The following INTS7 variants were observed in gnomAD, a reference collection of about 807,000 sequenced individuals.
INTS7 encodes the protein integrator complex subunit 7.
INTS7 carries 46 observed loss-of-function variants against 109.2 expected under a neutral mutation model. The observed-to-expected ratio is 0.42, with a 90% confidence interval of 0.33 to 0.54. INTS7 has a LOEUF of 0.54. INTS7 is among the 20% of genes least tolerant of loss of function. The pLI is 0.07. For synonymous variants in INTS7, 412 were observed against 402.9 expected, an observed-to-expected ratio of 1.02 and a Z score of -0.27; for missense variants, 929 against 1,132.4, an observed-to-expected ratio of 0.82 and a Z score of 2.58.
intron 5 of INTS7, among the ~76,000 whole-genome samples, chr1:212,009,332 T>G (rs1490526104): frequency 6.6e-6 from 1 of 152,204 alleles, no homozygotes; most frequent in Admixed American, 6.5e-5. Flanking sequence ...TATATTCTCA[T>G]ATAACTGTCA....
At chr1:211,954,689 C>G (rs964073667) in intron 16 of INTS7, among the ~76,000 whole-genome samples, 16 of 152,154 alleles carry the variant, frequency 1.1e-4, no homozygotes, top group African/African-American at 3.9e-4. Flanking sequence ...TCAGGTTTGT[C>G]AAAGATCAGA....
chr1:212,013,671 A>G (rs985124384), intron 4 of INTS7, among the ~76,000 whole-genome samples: 2 of 152,230 alleles, frequency 1.3e-5, no homozygotes, highest in African/African-American at 2.4e-5. Flanking sequence ...TGCCCTATAC[A>G]GGAATACCAT....
intron 17 of INTS7, among the ~76,000 whole-genome samples, chr1:211,950,510 G>A (rs571414305): frequency 6.6e-6 from 1 of 152,316 alleles, no homozygotes; most frequent in Admixed American, 6.5e-5. Flanking sequence ...GACCTCAGGT[G>A]ATCCGCCCAC....
rs1271319558 is a variant in INTS7 at position 212,007,274 on chromosome 1, T to C, written c.732A>G (p.Ser244=). Residue 244 remains serine (S), a synonymous_variant, in exon 6 of 20, where the codon TCA becomes TCG. Coordinates refer to ENST00000366994, the MANE Select transcript of INTS7 (RefSeq NM_015434.4). ...CCTGCTTAGGTGTATCAACCAAAGA[T>C]GACGCTGCAAGCAGAGTGAAAGTGT... ...SLHTFTLLAA[S]SLVDTPKQIQ... 1.2e-6 allele frequency: 2 copies of C among 1,613,790 alleles called. No individual in the cohort carries two copies. Among genetic ancestry groups the C allele is most frequent in the Non-Finnish European group, 1.7e-6 (2 of 1,179,866 alleles).
chr1:211,967,887 T>G lies in INTS7; in HGVS notation c.2105A>C (p.Asn702Thr), dbSNP rs1201578344. The change falls in exon 15 of 20, where the codon AAT becomes ACT. Residue 702 changes from asparagine to threonine, a missense_variant. By Grantham distance (65) the Asn-to-Thr change is moderately conservative (BLOSUM62 0). Coordinates refer to ENST00000366994, the MANE Select transcript of INTS7 (RefSeq NM_015434.4). ...SFDADSATLR[N>T]VELQQQSCLL... ...GGCAAGCTTGGGATACAGTTCAACATTCCTCAAAGTTGCTGAGTCAGCATC... is the reference window on the plus strand; with the variant it reads ...GGCAAGCTTGGGATACAGTTCAACAGTCCTCAAAGTTGCTGAGTCAGCATC... 2 of 1,587,318 alleles carry G rather than the reference T, an allele frequency of 1.3e-6. No homozygotes were observed. The highest frequency in any genetic ancestry group is 1.7e-6 in the Non-Finnish European group (2 of 1,159,364).
chr1:211,992,971 C>T (rs907717758), intron 7 of INTS7, among the ~76,000 whole-genome samples: 3 of 152,200 alleles, frequency 2.0e-5, no homozygotes, highest in Non-Finnish European at 1.5e-5. Context: ...GCTTAACTCA[C>T]TACTCAACTA....
rs1558017781 is a variant in INTS7 at position 211,941,986 on chromosome 1, A to G, written c.2727T>C (p.Ser909=). ...ATACTATACCATTGGCATCTTTCAC[A>G]GAAGATTCCACTGTAATGTTGTGTG... ...LGTHNITVES[S]VKDANGIVWK... is the part of the protein sequence containing the mutation. Residue 909 remains serine, a synonymous_variant, in exon 20 of 20, where the codon TCT becomes TCC. Transcript: ENST00000366994. The G allele has an allele frequency of 6.2e-7, 1 of 1,614,200 alleles. No homozygotes were observed. The highest frequency in any genetic ancestry group is 2.2e-5 in the East Asian group (1 of 44,876).
chr1:212,031,940 C>T (rs1667185075), intron 1 of INTS7, among the ~76,000 whole-genome samples: 1 of 152,146 alleles, frequency 6.6e-6, no homozygotes, highest in African/African-American at 2.4e-5. Flanking sequence ...GACACCAGTG[C>T]CACAAAATAT....
intron 7 of INTS7, 63 bp downstream of exon 7, chr1:212,006,576 C>T (rs1375118817): frequency 7.5e-6 from 6 of 800,950 alleles, no homozygotes; most frequent in Non-Finnish European, 1.1e-5. Context: ...AAATGCAAAA[C>T]ATTTTACTAT....
At chr1:212,019,468 G>T (rs1164855833) in intron 3 of INTS7, among the ~76,000 whole-genome samples, 2 of 151,996 alleles carry the variant, frequency 1.3e-5, no homozygotes, top group Non-Finnish European at 2.9e-5. Flanking sequence ...AAACTTCCTG[G>T]TTAAAAAGAA....
intron 5 of INTS7, among the ~76,000 whole-genome samples, chr1:212,010,797 T>G (rs1666134585): frequency 6.6e-6 from 1 of 152,216 alleles, no homozygotes; most frequent in Non-Finnish European, 1.5e-5. Context: ...CCATACAGCC[T>G]AAGTGTACAG....
At chr1:211,952,934 T>C (rs1663169077) in intron 16 of INTS7, among the ~76,000 whole-genome samples, 1 of 152,218 alleles carries the variant, frequency 6.6e-6, no homozygotes, top group South Asian at 2.1e-4. Flanking sequence ...GTTATGTAAT[T>C]CTTAATCTCT....
At chr1:211,957,928 T>C (rs1663443104) in intron 16 of INTS7, among the ~76,000 whole-genome samples, 1 of 152,136 alleles carries the variant, frequency 6.6e-6, no homozygotes, top group South Asian at 2.1e-4. Flanking sequence ...TATCAGAAGT[T>C]ACTGTCAAAT....
chr1:211,954,462 G>A (rs1215736487), intron 16 of INTS7, among the ~76,000 whole-genome samples: 5 of 152,160 alleles, frequency 3.3e-5, no homozygotes, highest in Non-Finnish European at 7.4e-5. Flanking sequence ...TAGACATGAA[G>A]TCCTTGCCCA....
intron 8 of INTS7, among the ~76,000 whole-genome samples, chr1:211,984,779 C>T (rs1664820620): frequency 1.3e-5 from 2 of 152,038 alleles, no homozygotes; most frequent in African/African-American, 4.8e-5. Context: ...TTATTCCTTT[C>T]TTTCTTTTTC....
chr1:211,942,769 A>G lies in INTS7; in HGVS notation c.2602-658T>C, dbSNP rs1408349244. On this transcript the variant is annotated intron_variant, in intron 19 of 19. Transcript: ENST00000366994. This position sits in a 1 kb window ranked among gnomAD's most constrained non-coding sequence, Gnocchi z 4.2. The stretch of plus-strand genomic sequence containing the variant: ...TATAGGCTCATTCATTTAGCCAGAC[A>G]CTCATGCCTTTGTTCTTCAAAGACC... Among the ~76,000 whole-genome samples, 2 of 152,190 alleles carry G rather than the reference A, an allele frequency of 1.3e-5. No homozygotes were observed. Among genetic ancestry groups the G allele is most frequent in the Non-Finnish European group, 2.9e-5 (2 of 68,034 alleles).
At chr1:211,985,377 T>C (rs1344904128) in intron 8 of INTS7, among the ~76,000 whole-genome samples, 1 of 152,158 alleles carries the variant, frequency 6.6e-6, no homozygotes, top group Non-Finnish European at 1.5e-5. Context: ...TGAAAAAACA[T>C]AATAAACGGA....
chr1:211,949,892 T>C (rs1345651198), intron 17 of INTS7, among the ~76,000 whole-genome samples: 1 of 152,232 alleles, frequency 6.6e-6, no homozygotes, highest in East Asian at 1.9e-4. Context: ...CCCTATTTCA[T>C]GCCTCTGCTT....
chr1:211,956,513 A>C (rs984308522), intron 16 of INTS7, among the ~76,000 whole-genome samples: 1 of 152,198 alleles, frequency 6.6e-6, no homozygotes, highest in African/African-American at 2.4e-5. Context: ...TGTTCACCTA[A>C]GCAAATTTCT....
Sources: allele counts gnomAD v4.1 joint callset (sites outside exome capture counted in the v4.1 genomes callset), GRCh38; gene constraint gnomAD v4.1.1; non-coding constraint Gnocchi (gnomAD v3.1); transcripts MANE v1.5; gene names NCBI Gene and HGNC (gene_info 2026-07-23, HGNC 2026-07-21).